DSCAML1: variants seen among roughly 807,000 people sequenced by gnomAD.
DSCAML1 encodes the protein cell adhesion molecule DSCAML1.
In DSCAML1, 38 loss-of-function variants were observed where a neutral mutation model predicts 200.5. The ratio of observed to expected loss-of-function variants is 0.19; its 90% CI spans 0.15 to 0.25. The LOEUF is 0.25. Ranked by LOEUF, DSCAML1 falls within the 10% of genes least tolerant of loss-of-function variation. The probability of loss-of-function intolerance (pLI) is 1.00; values close to 1 mark genes in which losing one functional copy is unlikely to be tolerated. For missense variants in DSCAML1, 2,223 were observed against 2,858.8 expected, an observed-to-expected ratio of 0.78 and a Z score of 5.07; for synonymous variants, 1,215 against 1,165.0, an observed-to-expected ratio of 1.04 and a Z score of -0.87.
Position 117,532,386 on chromosome 11 carries a change from G to C in DSCAML1, c.648C>G (p.Leu216=), listed in dbSNP as rs376645246. 3.1e-6 allele frequency: 5 copies of C among 1,613,606 alleles called. No individual in the cohort carries two copies. The African/African-American group carries it at 6.7e-5, about 22-fold the overall frequency. The change falls in exon 4 of 33, where the codon CTC becomes CTG. Residue 216 remains leucine (L), a synonymous_variant. Transcript: ENST00000651296. The part of the protein sequence containing the change: ...GETRQSNGAR[L]SVTDPAESIP... ...GGCCCTCTCCCCTACCTGTCACAGA[G>C]AGGCGTGCCCCATTGCTCTGCCGGG...
chr11:117,527,030 G>C (rs532328245), intron 4 of DSCAML1, among the ~76,000 whole-genome samples: 2,426 of 152,208 alleles, frequency 0.016, 26 homozygotes, highest in South Asian at 0.036. Context: ...AGGTGTGGTG[G>C]CACAAGCCTG....
intron 3 of DSCAML1, among the ~76,000 whole-genome samples, chr11:117,705,047 C>T (rs552586180): frequency 1.4e-4 from 22 of 152,206 alleles, no homozygotes; most frequent in Middle Eastern, 3.4e-3. Flanking sequence ...GAGGGGGGGA[C>T]GTCTGCGGGC....
intron 3 of DSCAML1, among the ~76,000 whole-genome samples, chr11:117,583,555 G>T (rs1222538318): frequency 6.6e-6 from 1 of 152,090 alleles, no homozygotes; most frequent in Non-Finnish European, 1.5e-5. Flanking sequence ...CTCTTCTCCA[G>T]TCCCTGCCAC....
At chr11:117,623,132 A>G (rs1001185410) in intron 3 of DSCAML1, among the ~76,000 whole-genome samples, 1 of 152,046 alleles carries the variant, frequency 6.6e-6, no homozygotes, top group East Asian at 1.9e-4. Context: ...CTCGTCAACT[A>G]GCATCAACTG....
intron 3 of DSCAML1, among the ~76,000 whole-genome samples, chr11:117,603,125 A>C (rs1403548124): frequency 5.9e-5 from 9 of 152,140 alleles, no homozygotes; most frequent in Non-Finnish European, 1.0e-4. Context: ...CAACAAAAAA[A>C]CCCAAACCAA....
At chr11:117,744,065 A>G (rs1346657083) in intron 3 of DSCAML1, among the ~76,000 whole-genome samples, 1 of 152,232 alleles carries the variant, frequency 6.6e-6, no homozygotes, top group African/African-American at 2.4e-5. Flanking sequence ...AGTGCCTGGC[A>G]CTGAGTAATA....
chr11:117,550,447 G>A (rs2050448004), intron 3 of DSCAML1, among the ~76,000 whole-genome samples: 1 of 152,176 alleles, frequency 6.6e-6, no homozygotes, highest in Non-Finnish European at 1.5e-5. Flanking sequence ...AAAGCCCAGT[G>A]TCTGGCCTGA....
intron 3 of DSCAML1, among the ~76,000 whole-genome samples, chr11:117,596,463 A>T (rs1302904398): frequency 6.6e-6 from 1 of 151,094 alleles, no homozygotes; most frequent in Non-Finnish European, 1.5e-5. Context: ...GAGGAGAGAG[A>T]GAGAAGAGGG....
intron 3 of DSCAML1, among the ~76,000 whole-genome samples, chr11:117,705,131 C>G (rs113554528): frequency 6.6e-6 from 1 of 152,152 alleles, no homozygotes; most frequent in Non-Finnish European, 1.5e-5. Context: ...TTGCCTTTGA[C>G]TTGCATTATA....
intron 4 of DSCAML1, among the ~76,000 whole-genome samples, chr11:117,527,529 T>C (rs922882234): frequency 6.6e-6 from 1 of 152,294 alleles, no homozygotes; most frequent in Middle Eastern, 3.4e-3. Context: ...ATTGCAGAAC[T>C]GTATAGACTT....
chr11:117,684,786 C>G (rs2053377139), intron 3 of DSCAML1, among the ~76,000 whole-genome samples: 1 of 152,226 alleles, frequency 6.6e-6, no homozygotes, highest in Non-Finnish European at 1.5e-5. Context: ...TGGAGTCTGA[C>G]CCCTTTCTTC....
chr11:117,585,874 G>A (rs143945358), intron 3 of DSCAML1, among the ~76,000 whole-genome samples: 385 of 152,290 alleles, frequency 2.5e-3, no homozygotes, highest in Middle Eastern at 0.01. Flanking sequence ...ACCTTTCCAT[G>A]CTCTCACAGT....
intron 3 of DSCAML1, among the ~76,000 whole-genome samples, chr11:117,653,593 C>T (rs1157299819): frequency 6.6e-6 from 1 of 152,206 alleles, no homozygotes; most frequent in Non-Finnish European, 1.5e-5. Context: ...GGACCCCTCA[C>T]ACCCTGCTGG....
intron 3 of DSCAML1, among the ~76,000 whole-genome samples, chr11:117,539,140 C>T (rs1382984042): frequency 2.0e-5 from 3 of 152,178 alleles, no homozygotes; most frequent in Non-Finnish European, 2.9e-5. Flanking sequence ...GTTTTGTCCC[C>T]ATTTCACTCA....
chr11:117,671,383 G>A (rs950133819), intron 3 of DSCAML1, among the ~76,000 whole-genome samples: 7 of 152,186 alleles, frequency 4.6e-5, no homozygotes, highest in East Asian at 1.9e-4. Context: ...TGGAGTCCAT[G>A]TTTACATCTC....
chr11:117,713,759 T>A (rs1258600740), intron 3 of DSCAML1, among the ~76,000 whole-genome samples: 3 of 152,234 alleles, frequency 2.0e-5, no homozygotes, highest in African/African-American at 7.2e-5. Context: ...TCCATCCATC[T>A]TGACACTTTG....
At chr11:117,512,663 CACACACACACACACACACACACAT>C (rs1470181831) in intron 8 of DSCAML1, among the ~76,000 whole-genome samples, 17 of 131,428 alleles carry the variant, frequency 1.3e-4, no homozygotes, top group Non-Finnish European at 2.0e-4. Flanking sequence ...CACACACACA[CACACACACACACACACACACACAT>C]GCCTGCTATG....
chr11:117,807,310 G>A (rs1390103252), intron 1 of DSCAML1, among the ~76,000 whole-genome samples: 1 of 152,240 alleles, frequency 6.6e-6, no homozygotes, highest in African/African-American at 2.4e-5. Flanking sequence ...GTTGACACAA[G>A]GATGAGTCTT....
intron 11 of DSCAML1, among the ~76,000 whole-genome samples, chr11:117,495,302 C>G (rs759900345): frequency 3.9e-5 from 6 of 152,208 alleles, no homozygotes; most frequent in Non-Finnish European, 8.8e-5. Flanking sequence ...CTCCCCAGCA[C>G]CTGGCTCAAG....
Sources: gnomAD v4.1 joint callset for allele counts (sites outside exome capture counted in the v4.1 genomes callset) on GRCh38, gnomAD v4.1.1 for gene constraint, MANE v1.5 for transcripts, NCBI Gene and HGNC (gene_info 2026-07-23, HGNC 2026-07-21) for gene names.